The following HTR4 variants were observed in gnomAD, a reference collection of about 807,000 sequenced individuals.
HTR4 encodes 5-hydroxytryptamine receptor 4.
In HTR4, 16 loss-of-function variants were observed where a neutral mutation model predicts 36.8. The ratio of observed to expected loss-of-function variants is 0.43; its 90% CI spans 0.29 to 0.66. HTR4 has a LOEUF of 0.66. HTR4 is among the 30% of genes least tolerant of loss of function. The pLI is 0.13. For synonymous variants in HTR4, 189 were observed against 185.1 expected (o/e 1.02, Z -0.17); for missense variants, 438 against 490.9 (o/e 0.89, Z 1.02).
rs1481753285 is a variant in HTR4, at chr5:148,595,138, C to T, written c.26+41851G>A. Among the ~76,000 whole-genome samples, 4 of 151,446 alleles carry T rather than the reference C, an allele frequency of 2.6e-5. No homozygotes were observed. The East Asian group carries it at 7.7e-4, about 29-fold the overall frequency. Reference sequence around the variant, plus strand: ...AAGGTGTATCAGTGAGCATTTCTAACTGCAAATAGCAAAATCCTCTTTAGC... The same window carrying T: ...AAGGTGTATCAGTGAGCATTTCTAATTGCAAATAGCAAAATCCTCTTTAGC... On this transcript the variant is annotated intron_variant, in intron 2 of 6. Coordinates refer to ENST00000377888, the MANE Select transcript of HTR4 (RefSeq NM_000870.7).
chr5:148,609,710 C>T (rs997695398), intron 2 of HTR4, among the ~76,000 whole-genome samples: 6 of 151,830 alleles, frequency 4.0e-5, no homozygotes, highest in East Asian at 1.9e-4. Context: ...GGACTACAGG[C>T]GCCCACCACC....
At chr5:148,605,879 G>A (rs1283421197) in intron 2 of HTR4, among the ~76,000 whole-genome samples, 1 of 152,042 alleles carries the variant, frequency 6.6e-6, no homozygotes, top group Non-Finnish European at 1.5e-5. Flanking sequence ...CTACCAAGAA[G>A]CATGCAAAAT....
chr5:148,568,154 A>G (rs1254074168), intron 2 of HTR4, among the ~76,000 whole-genome samples: 10 of 152,158 alleles, frequency 6.6e-5, no homozygotes, highest in Admixed American at 5.9e-4. Flanking sequence ...GTTACATCCA[A>G]TAGAGACCAT....
At chr5:148,625,393 G>C (rs906637647) in intron 2 of HTR4, among the ~76,000 whole-genome samples, 6 of 152,140 alleles carry the variant, frequency 3.9e-5, no homozygotes, top group Admixed American at 2.0e-4. Context: ...TTGGATAGAA[G>C]CATGTCAAAA....
In HTR4 at chr5:148,595,501, A is replaced by T. The variant is rs968398285; in HGVS notation, c.26+41488T>A. Among the ~76,000 whole-genome samples, 3 of 152,166 alleles carry T rather than the reference A, an allele frequency of 2.0e-5. No homozygotes were observed. The South Asian group carries it at 6.2e-4, about 32-fold the overall frequency. On this transcript the variant is annotated intron_variant, in intron 2 of 6. Transcript: ENST00000377888. ...TGATAGCACCCAGGACACAGGACACATCTACCCACCAGGAGCAAATCATGC... is the reference window on the plus strand; with the variant it reads ...TGATAGCACCCAGGACACAGGACACTTCTACCCACCAGGAGCAAATCATGC...
At chr5:148,566,886 TTTC>T (rs1760463513) in intron 2 of HTR4, among the ~76,000 whole-genome samples, 1 of 152,092 alleles carries the variant, frequency 6.6e-6, no homozygotes, top group Non-Finnish European at 1.5e-5. Flanking sequence ...ATTTGAATTA[TTTC>T]TTCATTTTTT....
intron 6 of HTR4, among the ~76,000 whole-genome samples, chr5:148,491,949 G>A (rs879416652): frequency 6.6e-6 from 1 of 152,152 alleles, no homozygotes; most frequent in Non-Finnish European, 1.5e-5. Flanking sequence ...ATCTCTACAA[G>A]CAGAGCTCAG....
intron 6 of HTR4, among the ~76,000 whole-genome samples, chr5:148,492,965 G>A (rs979366297): frequency 2.6e-5 from 4 of 152,192 alleles, no homozygotes; most frequent in Non-Finnish European, 4.4e-5. Flanking sequence ...CAATGGAAGG[G>A]ATAATGTTTC....
At chr5:148,466,069 G>A in intron 5 of HTR4, 2 of 1,473,530 alleles carry the variant, frequency 1.4e-6, no homozygotes, top group South Asian at 2.8e-5. Flanking sequence ...AGTGCTTTTA[G>A]AGGAGGATAA....
chr5:148,621,407 C>T (rs1239586082), intron 2 of HTR4, among the ~76,000 whole-genome samples: 2 of 152,160 alleles, frequency 1.3e-5, no homozygotes, highest in Non-Finnish European at 1.5e-5. Context: ...CCCTATGAGC[C>T]ACCTGGTCTT....
chr5:148,451,273 C>G lies in HTR4; in HGVS notation c.1077-1G>C. ...ATGTCCCCTGTGCAGAACGGTGTAC[C>G]TAGAAAGGAAGGAAAGAAGGCATGA... On this transcript the variant is annotated splice_acceptor_variant, in intron 5 of 5. Coordinates refer to the HTR4 transcript ENST00000521530. LOFTEE classifies it high-confidence loss of function. 6.2e-7 allele frequency: 1 copy of G among 1,613,660 alleles called. No homozygotes were observed. The highest frequency in any genetic ancestry group is 1.1e-5 in the South Asian group (1 of 91,064).
chr5:148,616,036 C>T (rs1185271412), intron 2 of HTR4, among the ~76,000 whole-genome samples: 10 of 152,118 alleles, frequency 6.6e-5, no homozygotes, highest in Admixed American at 6.6e-4. Context: ...GATTAAGAAG[C>T]ACACATAGTA....
downstream of HTR4, among the ~76,000 whole-genome samples, chr5:148,479,048 C>G (rs1394908230): frequency 6.6e-6 from 1 of 151,890 alleles, no homozygotes; most frequent in Non-Finnish European, 1.5e-5. Context: ...ACATGCTTAA[C>G]CTCAATCCAA....
At chr5:148,636,816 C>G (rs749418871) in intron 2 of HTR4, among the ~76,000 whole-genome samples, 173 bp downstream of exon 2, 2 of 152,106 alleles carry the variant, frequency 1.3e-5, no homozygotes, top group Non-Finnish European at 2.9e-5. Context: ...TTCATTTAAA[C>G]AGAAATGACA....
At position 148,505,427 on chromosome 5, in the gene HTR4, G is replaced by A. The variant is rs372508233; in HGVS notation, c.1076+4029C>T. Among the ~76,000 whole-genome samples the A allele has an allele frequency of 1.8e-3, 269 of 152,228 alleles. 8 individuals carry two copies. In the East Asian group the frequency reaches 0.035, roughly 20 times the overall value. On this transcript the variant is annotated intron_variant, in intron 6 of 6. Coordinates refer to ENST00000377888, the MANE Select transcript of HTR4 (RefSeq NM_000870.7). ...CCACAGCCAATATCACACTGAATGGGCAAAAACTGGAAGCATTCCCTTTGA... is the reference window on the plus strand; with the variant it reads ...CCACAGCCAATATCACACTGAATGGACAAAAACTGGAAGCATTCCCTTTGA...
chr5:148,504,113 A>AG (rs1757068733), intron 6 of HTR4, among the ~76,000 whole-genome samples: 3 of 152,122 alleles, frequency 2.0e-5, no homozygotes, highest in African/African-American at 7.2e-5. Flanking sequence ...AGGATATCCA[A>AG]GAATTAAACT....
chr5:148,535,381 C>G (rs148935193), intron 4 of HTR4, among the ~76,000 whole-genome samples: 17 of 152,118 alleles, frequency 1.1e-4, no homozygotes, highest in African/African-American at 4.1e-4. Context: ...CTTAACCAGG[C>G]TGAGCTGGCT....
At chr5:148,590,650 T>G (rs1403974300) in intron 2 of HTR4, among the ~76,000 whole-genome samples, 3 of 152,174 alleles carry the variant, frequency 2.0e-5, no homozygotes, top group Middle Eastern at 3.2e-3. Context: ...CATACTTAAG[T>G]GAGAGACTCT....
rs116216940 is a variant in HTR4 at position 148,524,465 on chromosome 5, A to C, written c.354-1119T>G. Among the ~76,000 whole-genome samples the C allele has an allele frequency of 2.4e-3, 367 of 152,250 alleles. 3 individuals are homozygous for C. Among genetic ancestry groups the C allele is most frequent in the African/African-American group, 8.5e-3 (353 of 41,542 alleles). On this transcript the variant is annotated intron_variant, in intron 4 of 6. Transcript: ENST00000377888. ...ACAGTGCTCACTATCTTTTGATTCC[A>C]TGTTCTGCCTATGATACTAACTTTC...
Sources: allele counts gnomAD v4.1 joint callset (sites outside exome capture counted in the v4.1 genomes callset), GRCh38; gene constraint gnomAD v4.1.1; transcripts MANE v1.5; gene names NCBI Gene and HGNC (gene_info 2026-07-23, HGNC 2026-07-21).